Variants in VWF observed in about 807,000 individuals in gnomAD.
VWF encodes Factor VIII related antigen.
Under a neutral mutation model 308.6 loss-of-function variants are expected in VWF, and 176 were observed. That is an observed-to-expected ratio of 0.57 (90% confidence interval 0.50 to 0.65). The LOEUF (loss-of-function observed/expected upper bound fraction) is 0.65, where lower values mean the gene tolerates loss of function less well. Ranked by LOEUF, VWF falls within the 30% of genes least tolerant of loss-of-function variation. The pLI, the probability that VWF is intolerant of heterozygous loss-of-function variation, is 0.00. For synonymous variants in VWF, 1,385 were observed against 1,443.4 expected, an observed-to-expected ratio of 0.96 and a Z score of 0.92; for missense variants, 3,146 against 3,648.2, an observed-to-expected ratio of 0.86 and a Z score of 3.55.
At chr12:6,025,034 AAAAAG>A (rs1160408390) in intron 24 of VWF, among the ~76,000 whole-genome samples, 6 of 143,228 alleles carry the variant, frequency 4.2e-5, no homozygotes, top group African/African-American at 1.4e-4. Context: ...AAAAAAAAAA[AAAAAG>A]AGAGAGACAA....
In VWF at chr12:5,994,549, T is replaced by C. The variant is rs141949957; in HGVS notation, c.6122A>G (p.Asn2041Ser). Reference protein sequence around the residue: ...VPYVGGNMEVNVYGAIMHEVR... With the variant: ...VPYVGGNMEVSVYGAIMHEVR... ...CTCATGCATGATGGCACCATAAACGTTGACTTCCATGTTCCCACCCACGTA... is the reference window on the plus strand; with the variant it reads ...CTCATGCATGATGGCACCATAAACGCTGACTTCCATGTTCCCACCCACGTA... Residue 2041 changes from asparagine (N) to serine (S), a missense_variant, in exon 36 of 52, where the codon AAC (asparagine) becomes AGC (serine). Physicochemically the swap from Asn to Ser is conservative, Grantham distance 46. Coordinates refer to ENST00000261405, the MANE Select transcript of VWF (RefSeq NM_000552.5). 33 of 1,613,996 alleles carry C rather than the reference T, an allele frequency of 2.0e-5. No individual in the cohort carries two copies. In the South Asian group the frequency reaches 2.2e-4, roughly 11 times the overall value.
chr12:6,043,646 C>T lies in VWF; in HGVS notation c.2442+645G>A, dbSNP rs563648877. The stretch of plus-strand genomic sequence containing the variant: ...GGCATGCTCAGATCATTGCCACCAG[C>T]AGCAGAACATCCACATAGGAGCCAG... On this transcript the variant is annotated intron_variant, in intron 18 of 51. Coordinates refer to ENST00000261405, the MANE Select transcript of VWF (RefSeq NM_000552.5). 1.5e-4 allele frequency among the ~76,000 whole-genome samples: 23 copies of T among 152,376 alleles called. No homozygotes were observed. The East Asian group carries it at 4.2e-3, about 28-fold the overall frequency.
At chr12:6,067,955 G>A (rs1193624723) in intron 10 of VWF, among the ~76,000 whole-genome samples, 4 of 152,018 alleles carry the variant, frequency 2.6e-5, no homozygotes, top group African/African-American at 9.7e-5. Flanking sequence ...CCAACATGGT[G>A]AAACCCCGTC....
intron 28 of VWF, 38 bp downstream of exon 28, chr12:6,018,327 G>A (rs539805714): frequency 4.2e-5 from 67 of 1,590,924 alleles, no homozygotes; most frequent in Admixed American, 2.8e-4. Context: ...GCCAGCCCTC[G>A]CCCAGCCCTC....
rs544743556 is a variant in VWF at position 6,046,026 on chromosome 12, C to G, written c.2281+697G>C. Among the ~76,000 whole-genome samples the G allele has an allele frequency of 6.6e-6, 1 of 152,274 alleles. No individual in the cohort carries two copies. The highest frequency in any genetic ancestry group is 6.5e-5 in the Admixed American group (1 of 15,298). ...TCACTTGAGGTCAGGAGTTCAAGAC[C>G]AGCCTGGCCAACATGGCAAAACCCC... is the stretch of plus-strand genomic sequence containing the variant. On this transcript the variant is annotated intron_variant, in intron 17 of 51. Coordinates refer to ENST00000261405, the MANE Select transcript of VWF (RefSeq NM_000552.5). The surrounding 1 kb of genome is among the most constrained non-coding windows in gnomAD (Gnocchi z 5.0).
At chr12:6,071,238 G>C in intron 10 of VWF, 59 bp downstream of exon 10, 1 of 1,599,328 alleles carries the variant, frequency 6.3e-7, no homozygotes, top group South Asian at 1.1e-5. Flanking sequence ...TGGTAAGAGA[G>C]GAGGAGACGC....
At chr12:5,971,355 G>A (rs1335172476) in intron 44 of VWF, among the ~76,000 whole-genome samples, 1 of 152,214 alleles carries the variant, frequency 6.6e-6, no homozygotes, top group African/African-American at 2.4e-5. Context: ...GAATGAGAGA[G>A]CATGAATCCC....
intron 49 of VWF, chr12:5,952,152 T>TA: frequency 1.5e-6 from 1 of 659,074 alleles, no homozygotes; most frequent in East Asian, 2.8e-5. Flanking sequence ...TCTCACATTT[T>TA]ATTCAAGAAT....
chr12:6,057,118 G>A (rs897115457), intron 14 of VWF, 46 bp from the exon 15 acceptor site: 2 of 1,486,548 alleles, frequency 1.3e-6, no homozygotes, highest in African/African-American at 2.8e-5. Flanking sequence ...GGGAGGAGTG[G>A]GGGCCACGCC....
intron 3 of VWF, among the ~76,000 whole-genome samples, chr12:6,117,449 G>A (rs1945380816): frequency 6.6e-6 from 1 of 152,202 alleles, no homozygotes; most frequent in Non-Finnish European, 1.5e-5. Flanking sequence ...TCTGCATGGC[G>A]ATTCCAAGTG....
At chr12:6,080,431 G>A (rs1316338525) in intron 6 of VWF, among the ~76,000 whole-genome samples, 1 of 152,190 alleles carries the variant, frequency 6.6e-6, no homozygotes, top group Non-Finnish European at 1.5e-5. Context: ...CTTCCCAATG[G>A]TGCAGCCAAT....
At chr12:5,988,227 A>G (rs1413413611) in intron 38 of VWF, among the ~76,000 whole-genome samples, 1 of 152,176 alleles carries the variant, frequency 6.6e-6, no homozygotes, top group Non-Finnish European at 1.5e-5. Context: ...GCTGAAGACA[A>G]TGGAGGAGGC....
At chr12:6,017,462 A>G (rs1432735569) in intron 28 of VWF, among the ~76,000 whole-genome samples, 1 of 152,236 alleles carries the variant, frequency 6.6e-6, no homozygotes, top group Non-Finnish European at 1.5e-5. Flanking sequence ...AAAACAAAGA[A>G]ACAAAAGTAC....
At chr12:5,961,514 GGAA>G (rs1333042614) in intron 47 of VWF, among the ~76,000 whole-genome samples, 1 of 150,096 alleles carries the variant, frequency 6.7e-6, no homozygotes, top group Admixed American at 6.7e-5. Context: ...AGATTTCAAA[GGAA>G]GAAGTAAAAG....
At chr12:5,951,811 T>C (rs529159880) in intron 50 of VWF, 33 bp downstream of exon 50, 2 of 1,613,664 alleles carry the variant, frequency 1.2e-6, no homozygotes, top group East Asian at 2.2e-5. Context: ...CTCTGATGGG[T>C]TTCAAGGGAC....
At chr12:6,065,787 G>A (rs1001080212) in intron 10 of VWF, among the ~76,000 whole-genome samples, 5 of 152,236 alleles carry the variant, frequency 3.3e-5, no homozygotes, top group Non-Finnish European at 7.3e-5. Context: ...CCAGGGGGCA[G>A]AGTAGGCAGC....
At chr12:5,977,697 T>C (rs926637042) in intron 42 of VWF, among the ~76,000 whole-genome samples, 3 of 151,796 alleles carry the variant, frequency 2.0e-5, no homozygotes, top group African/African-American at 7.3e-5. Context: ...TGATGAAACC[T>C]TGTCTCTACA....
rs768035195 is a variant in VWF at position 6,016,662 on chromosome 12, C to T, written c.5171-6G>A. Reference sequence around the variant, plus strand: ...CACCTGAGTGAGACGAGGCCCTAAACGGAACGAGAAAATGCGGATTATTTT... The same window carrying T: ...CACCTGAGTGAGACGAGGCCCTAAATGGAACGAGAAAATGCGGATTATTTT... On this transcript the variant is annotated splice_region_variant and splice_polypyrimidine_tract_variant and intron_variant, in intron 29 of 51. Transcript: ENST00000261405. The T allele has an allele frequency of 4.3e-6, 7 of 1,614,180 alleles. No individual in the cohort carries two copies. Among genetic ancestry groups the T allele is most frequent in the East Asian group, 2.2e-5 (1 of 44,886 alleles).
intron 34 of VWF, among the ~76,000 whole-genome samples, chr12:6,000,854 T>G (rs1943865668): frequency 6.6e-6 from 1 of 151,546 alleles, no homozygotes; most frequent in Admixed American, 6.6e-5. Context: ...TAGAGAACAT[T>G]TCCTCCAACT....
Sources: gnomAD v4.1 joint callset for allele counts (sites outside exome capture counted in the v4.1 genomes callset) on GRCh38, gnomAD v4.1.1 for gene constraint, Gnocchi (gnomAD v3.1) non-coding constraint, MANE v1.5 for transcripts, NCBI Gene and HGNC (gene_info 2026-07-23, HGNC 2026-07-21) for gene names.